Variants in PRDM8 observed in about 807,000 individuals in gnomAD.
PRDM8 encodes PR/SET domain 8.
PRDM8 carries 13 observed loss-of-function variants against 46.5 expected under a neutral mutation model. The observed-to-expected ratio is 0.28, with a 90% CI of 0.18 to 0.44. The LOEUF is 0.44. PRDM8 is among the 20% of genes least tolerant of loss of function. PRDM8 has a pLI of 1.00. For missense variants in PRDM8, 998 were observed against 955.0 expected (o/e 1.04, Z -0.59); for synonymous variants, 473 against 438.4 (o/e 1.08, Z -0.98).
chr4:80,202,478 G>C lies in PRDM8; in HGVS notation c.1016G>C (p.Arg339Pro). 6.5e-7 allele frequency: 1 copy of C among 1,542,364 alleles called. No individual in the cohort carries two copies. Among genetic ancestry groups the C allele is most frequent in the South Asian group, 1.2e-5 (1 of 83,996 alleles). Residue 339 changes from arginine (R) to proline (P), a missense_variant, in exon 4 of 4, where the codon CGG becomes CCG. Transcript: ENST00000415738. ...GGGGGCCGGGGCCGCTTCGTAGAGCGGCCCCTCCCGGCCTCCAAGGAGGAT... is the reference window on the plus strand; with the variant it reads ...GGGGGCCGGGGCCGCTTCGTAGAGCCGCCCCTCCCGGCCTCCAAGGAGGAT... ...LVGGRGRFVE[R>P]PLPASKEDLV...
At position 80,197,515 on chromosome 4, in the gene PRDM8, G is replaced by A; in HGVS notation, c.-251G>A. 2 of 985,838 alleles carry A rather than the reference G, an allele frequency of 2.0e-6. No homozygotes were observed. The highest frequency in any genetic ancestry group is 4.7e-5 in the South Asian group (1 of 21,280). The allele number at this position is 985,838 out of a possible 1,614,324, so 61.1% of individuals were successfully genotyped here. ...CTGCGTGCCAGTCAGTCACTGCATC[G>A]GGTCCATCTGTACAACTCTCTCCGT... On this transcript the variant is annotated 5_prime_UTR_variant, in exon 1 of 4. Transcript: ENST00000415738.
At position 80,203,590 on chromosome 4, in the gene PRDM8, A is replaced by G. The variant is rs1738755335; in HGVS notation, c.*58A>G. On this transcript the variant is annotated 3_prime_UTR_variant, in exon 4 of 4. Transcript: ENST00000415738. Reference sequence around the variant, plus strand: ...CAAGCACAGTTAAGCCACCTGCAGGAATAAACACGCGAGAACATCCACCGC... The same window carrying G: ...CAAGCACAGTTAAGCCACCTGCAGGGATAAACACGCGAGAACATCCACCGC... The G allele has an allele frequency of 7.2e-6, 11 of 1,519,168 alleles. No homozygotes were observed. The highest frequency in any genetic ancestry group is 8.8e-6 in the Non-Finnish European group (10 of 1,130,456). The allele number at this position is 1,519,168 out of a possible 1,614,324, so 94.1% of individuals were successfully genotyped here.
chr4:80,195,959 A>AGAGAGAGAGC (rs1293897148), upstream of PRDM8: 1 of 543,208 alleles, frequency 1.8e-6, no homozygotes, highest in Non-Finnish European at 2.3e-6. Flanking sequence ...AGAGAGAGAG[A>AGAGAGAGAGC]ACAAGGAAGA....
chr4:80,203,267 A>T lies in PRDM8; in HGVS notation c.1805A>T (p.Gln602Leu). The change falls in exon 4 of 4, where the codon CAG becomes CTG. Residue 602 changes from glutamine to leucine, a missense_variant. Coordinates refer to ENST00000415738, the MANE Select transcript of PRDM8 (RefSeq NM_001099403.2). ...AAAAAAAGPL[Q>L]LQLPSALTLL... ...GCGGCGGCGGCCGCGGGGCCCTTGC[A>T]GCTGCAGCTGCCCTCGGCGCTCACG... 2 of 1,584,730 alleles carry T rather than the reference A, an allele frequency of 1.3e-6. No homozygotes were observed. The highest frequency in any genetic ancestry group is 1.7e-6 in the Non-Finnish European group (2 of 1,167,134).
intron 1 of PRDM8, chr4:80,185,640 C>G (rs1737017600): frequency 1.3e-5 from 2 of 152,278 alleles, no homozygotes; most frequent in African/African-American, 4.8e-5. Flanking sequence ...ACCCATGTGA[C>G]TGAATTTAGG....
In PRDM8 at chr4:80,203,625, C is replaced by A; in HGVS notation, c.*93C>A. The A allele has an allele frequency of 1.2e-5, 17 of 1,469,904 alleles. No individual in the cohort carries two copies. The highest frequency in any genetic ancestry group is 1.5e-5 in the Non-Finnish European group (17 of 1,109,844). The allele number at this position is 1,469,904 out of a possible 1,614,324, so 91.1% of individuals were successfully genotyped here. ...CGAGAACATCCACCGCTTCCTTGCACCCCGAAACCCTGCACAAAGACACAT... is the reference window on the plus strand; with the variant it reads ...CGAGAACATCCACCGCTTCCTTGCAACCCGAAACCCTGCACAAAGACACAT... On this transcript the variant is annotated 3_prime_UTR_variant, in exon 4 of 4. Transcript: ENST00000415738.
chr4:80,201,170 G>A (rs1293759491), intron 2 of PRDM8, 120 bp from the exon 3 acceptor site: 1 of 977,054 alleles, frequency 1.0e-6, no homozygotes, highest in Admixed American at 2.5e-5. Flanking sequence ...CGTGGTCTCA[G>A]ACAATTTTTG....
At position 80,202,352 on chromosome 4, in the gene PRDM8, A is replaced by G; in HGVS notation, c.890A>G (p.Glu297Gly). 1 of 1,598,438 alleles carries G rather than the reference A, an allele frequency of 6.3e-7. No homozygotes were observed. Residue 297 changes from glutamate (E) to glycine (G), a missense_variant, in exon 4 of 4, where the codon GAG (glutamate) becomes GGG (glycine). Physicochemically the swap from Glu to Gly is moderately conservative, Grantham distance 98 (BLOSUM62 -2). Transcript: ENST00000415738. ...SGSGGGGGHQEAELSPDGIAT... is the reference protein window; with the variant it reads ...SGSGGGGGHQGAELSPDGIAT... ...AGCGGCGGCGGCGGCGGCCACCAGG[A>G]GGCGGAGCTGAGTCCCGACGGCATC...
rs778464874 is a variant in PRDM8, at chr4:80,203,164, G to GGCC, written c.1703_1705dup (p.Gly568_Leu569insArg). 1 of 1,542,650 alleles carries GGCC rather than the reference G, an allele frequency of 6.5e-7. No homozygotes were observed. Among genetic ancestry groups the GGCC allele is most frequent in the South Asian group, 1.2e-5 (1 of 84,670 alleles). ...CGGGTCCCTGCCGAGCGGCGGCGGC[G>GGCC]GCCTGCCTAAGCAGAGCCCCTTCCT... On this transcript the variant is annotated inframe_insertion, in exon 4 of 4. Transcript: ENST00000415738.
chr4:80,202,768 C>G lies in PRDM8; in HGVS notation c.1306C>G (p.Leu436Val). 7 of 1,255,692 alleles carry G rather than the reference C, an allele frequency of 5.6e-6. No individual in the cohort carries two copies. The highest frequency in any genetic ancestry group is 7.0e-6 in the Non-Finnish European group (7 of 1,004,884). 77.8% of individuals were successfully genotyped at this position (1,255,692 alleles called of 1,614,324 possible). The change falls in exon 4 of 4, where the codon CTG becomes GTG. Residue 436 changes from leucine (L) to valine (V), a missense_variant. Transcript: ENST00000415738. ...AAASPVGAEK[L>V]LAPRPGGPLP... ...CGCGTCACCGGTGGGCGCCGAGAAGCTGCTGGCCCCGCGGCCTGGGGGCCC... is the reference window on the plus strand; with the variant it reads ...CGCGTCACCGGTGGGCGCCGAGAAGGTGCTGGCCCCGCGGCCTGGGGGCCC...
intron 1 of PRDM8, chr4:80,189,762 G>T (rs979023934): frequency 6.6e-6 from 1 of 152,222 alleles, no homozygotes; most frequent in East Asian, 1.9e-4. Context: ...AGTGGGGAGG[G>T]CTGGGATTCG....
At chr4:80,186,458 T>TGAGAGAGAGAGAGAGAGAGAGAGA (rs1553902913) in intron 1 of PRDM8, among the ~76,000 whole-genome samples, 194 of 29,786 alleles carry the variant, frequency 6.5e-3, no homozygotes, top group Non-Finnish European at 0.013. Context: ...AGAGAGAGAT[T>TGAGAGAGAGAGAGAGAGAGAGAGA]GATTGTCAAG....
Position 80,197,556 on chromosome 4 carries a change from C to T in PRDM8, c.-210C>T. The stretch of plus-strand genomic sequence containing the variant: ...CTCTCTCCGTTTCTCCGTCTCTCTC[C>T]CTCCCTCCCTCCCTCCACCCCCCCA... On this transcript the variant is annotated 5_prime_UTR_variant, in exon 1 of 4. Coordinates refer to ENST00000415738, the MANE Select transcript of PRDM8 (RefSeq NM_001099403.2). 4.2e-6 allele frequency: 3 copies of T among 715,110 alleles called. No individual in the cohort carries two copies. The highest frequency in any genetic ancestry group is 5.1e-6 in the Non-Finnish European group (3 of 583,172). The allele number at this position is 715,110 out of a possible 1,614,324, so 44.3% of individuals were successfully genotyped here.
Position 80,202,772 on chromosome 4 carries a change from TG to T in PRDM8, c.1312del (p.Ala438ProfsTer108). 8.0e-7 allele frequency: 1 copy of T among 1,251,400 alleles called. No individual in the cohort carries two copies. Among genetic ancestry groups the T allele is most frequent in the Non-Finnish European group, 1.0e-6 (1 of 1,002,436 alleles). 77.5% of individuals were successfully genotyped at this position (1,251,400 alleles called of 1,614,324 possible). A position where few individuals can be genotyped will look rare whatever the true frequency, so the allele number is the denominator to read the frequency against. ...TCACCGGTGGGCGCCGAGAAGCTGC[TG>T]GCCCCGCGGCCTGGGGGCCCGCTGC... The part of the protein sequence containing the change: ...AASPVGAEKL[L>X]APRPGGPLPS... On this transcript the variant is annotated frameshift_variant, in exon 4 of 4. Transcript: ENST00000415738. LOFTEE classifies it high-confidence loss of function.
chr4:80,201,881 CGTGCGTGT>C, intron 3 of PRDM8, 25 bp from the exon 4 acceptor site: 3 of 1,600,854 alleles, frequency 1.9e-6, no homozygotes, highest in South Asian at 1.1e-5. Context: ...TGTGTGCGTG[CGTGCGTGT>C]GTGTGGTGTT....
Position 80,203,155 on chromosome 4 carries a change from G to C in PRDM8, c.1693G>C (p.Gly565Arg). Residue 565 changes from glycine (G) to arginine (R), a missense_variant, in exon 4 of 4, where the codon GGC (glycine) becomes CGC (arginine). Physicochemically the swap from Gly to Arg is moderately radical, Grantham distance 125. Transcript: ENST00000415738. ...LNGGCGSLPS[G>R]GGGLPKQSPF... ...CGGAGGTTGCGGGTCCCTGCCGAGCGGCGGCGGCGGCCTGCCTAAGCAGAG... is the reference window on the plus strand; with the variant it reads ...CGGAGGTTGCGGGTCCCTGCCGAGCCGCGGCGGCGGCCTGCCTAAGCAGAG... 6.5e-7 allele frequency: 1 copy of C among 1,538,830 alleles called. No individual in the cohort carries two copies. The highest frequency in any genetic ancestry group is 8.7e-7 in the Non-Finnish European group (1 of 1,149,834).
chr4:80,203,162 G>A lies in PRDM8; in HGVS notation c.1700G>A (p.Gly567Asp). Residue 567 changes from glycine to aspartate, a missense_variant, in exon 4 of 4, where the codon GGC (glycine) becomes GAC (aspartate). Gly to Asp is a moderately conservative substitution (Grantham distance 94). Transcript: ENST00000415738. ...GGCGSLPSGG[G>D]GLPKQSPFLY... is the part of the protein sequence containing the mutation. ...TGCGGGTCCCTGCCGAGCGGCGGCG[G>A]CGGCCTGCCTAAGCAGAGCCCCTTC... The A allele has an allele frequency of 6.5e-7, 1 of 1,542,956 alleles. No homozygotes were observed. Among genetic ancestry groups the A allele is most frequent in the Non-Finnish European group, 8.7e-7 (1 of 1,151,036 alleles).
chr4:80,203,238 G>GGCT lies in PRDM8; in HGVS notation c.1779_1781dup (p.Ala598dup), dbSNP rs1352627845. The GGCT allele has an allele frequency of 1.3e-6, 2 of 1,553,808 alleles. No homozygotes were observed. Among genetic ancestry groups the GGCT allele is most frequent in the South Asian group, 1.2e-5 (1 of 85,418 alleles). On this transcript the variant is annotated inframe_insertion, in exon 4 of 4. Coordinates refer to ENST00000415738, the MANE Select transcript of PRDM8 (RefSeq NM_001099403.2). ...AGAGCTCCGCTGCCGCTGCAGCCGC[G>GGCT]GCTGCGGCGGCGGCCGCGGGGCCCT...
chr4:80,188,030 TAA>T (rs1275437633), intron 1 of PRDM8, among the ~76,000 whole-genome samples: 1 of 152,158 alleles, frequency 6.6e-6, no homozygotes, highest in Non-Finnish European at 1.5e-5. Context: ...ACCTAAACAC[TAA>T]AGACAAAAGG....
Sources: allele counts gnomAD v4.1 joint callset (sites outside exome capture counted in the v4.1 genomes callset), GRCh38; gene constraint gnomAD v4.1.1; transcripts MANE v1.5; gene names NCBI Gene and HGNC (gene_info 2026-07-23, HGNC 2026-07-21).